KCNN2: variants seen among roughly 807,000 people sequenced by gnomAD.
The protein encoded by KCNN2 is small conductance calcium-activated potassium channel protein 2.
Under a neutral mutation model 55.5 loss-of-function variants are expected in KCNN2, and 24 were observed. The observed-to-expected ratio is 0.43, with a 90% CI of 0.31 to 0.61. The LOEUF (loss-of-function observed/expected upper bound fraction) is 0.61. Ranked by LOEUF, KCNN2 falls within the 20% of genes least tolerant of loss-of-function variation. The pLI is 0.08. For synonymous variants in KCNN2, 431 were observed against 336.1 expected, an observed-to-expected ratio of 1.28 and a Z score of -3.09; for missense variants, 754 against 853.6, an observed-to-expected ratio of 0.88 and a Z score of 1.45.
intron 1 of KCNN2, among the ~76,000 whole-genome samples, chr5:114,150,809 G>C (rs542489786): frequency 6.6e-6 from 1 of 152,154 alleles, no homozygotes; most frequent in Admixed American, 6.6e-5. Context: ...ATCACCTCGG[G>C]TTGGGAGTTC....
intron 5 of KCNN2, among the ~76,000 whole-genome samples, chr5:114,478,712 A>G (rs545535495): frequency 1.3e-4 from 20 of 152,266 alleles, no homozygotes; most frequent in Non-Finnish European, 2.6e-4. Context: ...CTCAGCAGAA[A>G]TCCTACAAGG....
chr5:114,162,517 T>G (rs1457239437), intron 1 of KCNN2, among the ~76,000 whole-genome samples: 1 of 152,154 alleles, frequency 6.6e-6, no homozygotes, highest in Non-Finnish European at 1.5e-5. Context: ...GAACCACTAC[T>G]CTCTTCAAAA....
intron 2 of KCNN2, 119 bp from the exon 3 acceptor site, chr5:114,404,319 A>G (rs991866597): frequency 4.1e-6 from 3 of 738,818 alleles, no homozygotes; most frequent in South Asian, 1.8e-5. Context: ...TTTAAAAGTT[A>G]TAACCTTTAG....
At chr5:114,138,593 C>T (rs1451702033) in intron 1 of KCNN2, among the ~76,000 whole-genome samples, 2 of 152,164 alleles carry the variant, frequency 1.3e-5, no homozygotes, top group African/African-American at 4.8e-5. Flanking sequence ...TATATTTTTA[C>T]TTGAATATCC....
intron 3 of KCNN2, among the ~76,000 whole-genome samples, chr5:114,448,531 G>A (rs1760513217): frequency 6.6e-6 from 1 of 152,156 alleles, no homozygotes; most frequent in Admixed American, 6.5e-5. Context: ...AATTGAAGTG[G>A]GAAAATTTAA....
rs547224173 is a variant in KCNN2, at chr5:114,337,413, G to C, written c.-184-23532G>C. ...AGATGTCCCATGTAGCTAGTGAAAA[G>C]AACATTTACATGCAACTTGCAGTTA... On this transcript the variant is annotated intron_variant, in intron 2 of 10. Coordinates refer to the KCNN2 transcript ENST00000512097. Among the ~76,000 whole-genome samples, 3 of 152,260 alleles carry C rather than the reference G, an allele frequency of 2.0e-5. No individual in the cohort carries two copies. The East Asian group carries it at 5.8e-4, about 29-fold the overall frequency.
chr5:114,249,135 A>G (rs1372876754), intron 2 of KCNN2, among the ~76,000 whole-genome samples: 1 of 152,202 alleles, frequency 6.6e-6, no homozygotes, highest in Non-Finnish European at 1.5e-5. Flanking sequence ...CAAAATAGCA[A>G]GACATTCTCT....
intron 1 of KCNN2, among the ~76,000 whole-genome samples, chr5:114,068,331 T>A (rs1385809896): frequency 1.3e-5 from 2 of 152,242 alleles, no homozygotes; most frequent in Non-Finnish European, 2.9e-5. Context: ...AACTTTGAGC[T>A]TCTAAGGTAT....
intron 2 of KCNN2, among the ~76,000 whole-genome samples, chr5:114,339,848 A>C (rs925770553): frequency 1.3e-5 from 2 of 151,900 alleles, no homozygotes; most frequent in African/African-American, 2.4e-5. Flanking sequence ...TAAATAAATA[A>C]AAATGCATGA....
chr5:114,330,169 A>G (rs570413720), intron 2 of KCNN2, among the ~76,000 whole-genome samples: 78 of 152,306 alleles, frequency 5.1e-4, no homozygotes, highest in African/African-American at 1.8e-3. Context: ...GGTGAGTTCC[A>G]GTATAAGATA....
At chr5:114,448,320 T>G (rs968543723) in intron 3 of KCNN2, among the ~76,000 whole-genome samples, 1 of 152,178 alleles carries the variant, frequency 6.6e-6, no homozygotes, top group Non-Finnish European at 1.5e-5. Flanking sequence ...GAAGCCTTTA[T>G]GGAGTAGGGG....
chr5:114,190,648 A>G (rs1355129110), intron 1 of KCNN2, among the ~76,000 whole-genome samples: 1 of 152,140 alleles, frequency 6.6e-6, no homozygotes, highest in African/African-American at 2.4e-5. Context: ...TTGTATCTTT[A>G]GTATATTGTT....
At chr5:114,082,690 A>T (rs1750851477) in intron 1 of KCNN2, among the ~76,000 whole-genome samples, 1 of 152,238 alleles carries the variant, frequency 6.6e-6, no homozygotes. Context: ...TCAGCAGATG[A>T]ATGGGTAAAC....
chr5:114,428,319 TAAATG>T (rs1580822499), intron 3 of KCNN2, among the ~76,000 whole-genome samples: 1 of 152,330 alleles, frequency 6.6e-6, no homozygotes, highest in East Asian at 1.9e-4. Context: ...GGAAAAGTAT[TAAATG>T]AATCTGCTCC....
At chr5:114,338,426 T>C (rs1265218249) in intron 2 of KCNN2, among the ~76,000 whole-genome samples, 1 of 152,236 alleles carries the variant, frequency 6.6e-6, no homozygotes, top group African/African-American at 2.4e-5. Flanking sequence ...GTCCTTTCAA[T>C]GTCCTTTAGT....
chr5:114,479,912 C>T (rs1218954215), intron 5 of KCNN2, among the ~76,000 whole-genome samples: 1 of 151,930 alleles, frequency 6.6e-6, no homozygotes, highest in Non-Finnish European at 1.5e-5. Flanking sequence ...AGCACTAAAT[C>T]CCCACACCAA....
intron 1 of KCNN2, among the ~76,000 whole-genome samples, chr5:114,158,129 G>C (rs1195370076): frequency 1.3e-5 from 2 of 151,948 alleles, no homozygotes; most frequent in Non-Finnish European, 2.9e-5. Context: ...GGGTTTTTAT[G>C]GTTTTAGGTC....
chr5:114,103,284 T>C (rs990275242), intron 1 of KCNN2, among the ~76,000 whole-genome samples: 1 of 151,854 alleles, frequency 6.6e-6, no homozygotes, highest in Non-Finnish European at 1.5e-5. Flanking sequence ...AATTGTATCC[T>C]GAGACGGCTG....
intron 1 of KCNN2, among the ~76,000 whole-genome samples, chr5:114,106,261 T>C (rs2112576152): frequency 6.6e-6 from 1 of 152,032 alleles, no homozygotes; most frequent in South Asian, 2.1e-4. Flanking sequence ...TTGTGAATGT[T>C]TGGGCTGTTT....
Sources: gnomAD v4.1 joint callset for allele counts (sites outside exome capture counted in the v4.1 genomes callset) on GRCh38, gnomAD v4.1.1 for gene constraint, MANE v1.5 for transcripts, NCBI Gene and HGNC (gene_info 2026-07-23, HGNC 2026-07-21) for gene names.